Variants in RPS6KA2 observed in about 807,000 individuals in gnomAD.
RPS6KA2 encodes the protein ribosomal protein S6 kinase alpha-2.
In RPS6KA2, 42 loss-of-function variants were observed where a neutral mutation model predicts 91.8. The ratio of observed to expected loss-of-function variants is 0.46; its 90% confidence interval spans 0.36 to 0.59. The LOEUF (loss-of-function observed/expected upper bound fraction) is 0.59. RPS6KA2 is among the 20% of genes least tolerant of loss of function. RPS6KA2 has a pLI of 0.00. For missense variants in RPS6KA2, 798 were observed against 978.5 expected (o/e 0.82, Z 2.46); for synonymous variants, 414 against 393.6 (o/e 1.05, Z -0.61).
intron 1 of RPS6KA2, among the ~76,000 whole-genome samples, chr6:166,617,124 C>T (rs919728359): frequency 4.6e-5 from 7 of 152,182 alleles, no homozygotes; most frequent in African/African-American, 1.4e-4. Context: ...AGAAACTCAG[C>T]GTCAGGAGTC....
At position 166,554,857 on chromosome 6, in the gene RPS6KA2, C is replaced by T. The variant is rs906874169; in HGVS notation, c.100-16073G>A. Among the ~76,000 whole-genome samples, 3 of 152,184 alleles carry T rather than the reference C, an allele frequency of 2.0e-5. No homozygotes were observed. Among genetic ancestry groups the T allele is most frequent in the East Asian group, 1.9e-4 (1 of 5,196 alleles). On this transcript the variant is annotated intron_variant, in intron 1 of 20. Coordinates refer to ENST00000265678, the MANE Select transcript of RPS6KA2 (RefSeq NM_021135.6). This position sits in a 1 kb window ranked among gnomAD's most constrained non-coding sequence, Gnocchi z 4.3. ...AGTCAGAAATACAGAGATTGCCCAC[C>T]GCATGAAAAATGTCTCCAGTTTTAC... is the stretch of plus-strand genomic sequence containing the variant.
chr6:166,646,585 C>T (rs60767138), intron 2 of RPS6KA2, among the ~76,000 whole-genome samples: 355 of 152,376 alleles, frequency 2.3e-3, no homozygotes, highest in Middle Eastern at 6.8e-3. Context: ...GGGCCCCTGA[C>T]ACGCTCCTTC....
At chr6:166,502,841 C>T (rs78550284) in intron 6 of RPS6KA2, among the ~76,000 whole-genome samples, 3,959 of 152,210 alleles carry the variant, frequency 0.026, 158 homozygotes, top group African/African-American at 0.086. Context: ...ACAGCAGCTG[C>T]GGAGGCTGCT....
Position 166,635,903 on chromosome 6 carries a change from G to A in RPS6KA2, c.124-97119C>T, listed in dbSNP as rs550793472. Among the ~76,000 whole-genome samples, 2 of 152,280 alleles carry A rather than the reference G, an allele frequency of 1.3e-5. No homozygotes were observed. The highest frequency in any genetic ancestry group is 4.1e-4 in the South Asian group (2 of 4,830). On this transcript the variant is annotated intron_variant, in intron 2 of 21. Transcript: ENST00000503859. This position sits in a 1 kb window ranked among gnomAD's most constrained non-coding sequence, Gnocchi z 4.8. ...GTCTTCTGCGTCCACTCCAGGACAA[G>A]CCACCAACCCTACTCTAGACCAGGG...
At chr6:166,675,760 C>T (rs956773803) in intron 2 of RPS6KA2, among the ~76,000 whole-genome samples, 1 of 152,158 alleles carries the variant, frequency 6.6e-6, no homozygotes, top group Non-Finnish European at 1.5e-5. Flanking sequence ...TTTTAGCACT[C>T]CTATTTTAAA....
intron 1 of RPS6KA2, among the ~76,000 whole-genome samples, chr6:166,861,521 C>T (rs533262450): frequency 6.6e-6 from 1 of 152,374 alleles, no homozygotes; most frequent in South Asian, 2.1e-4. Flanking sequence ...GTGATTCCTG[C>T]ACACCCACCA....
Position 166,423,393 on chromosome 6 carries a change from T to G in RPS6KA2, c.1606A>C (p.Ser536Arg). The G allele has an allele frequency of 6.2e-7, 1 of 1,611,824 alleles. No homozygotes were observed. The highest frequency in any genetic ancestry group is 8.5e-7 in the Non-Finnish European group (1 of 1,178,134). ...GACTCATCCCTGTACAGGATGTTAC[T>G]CGGCTTCAGGTCTCGATGAACAACC... ...QGVVHRDLKP[S>R]NILYRDESGS... Residue 536 changes from serine to arginine, a missense_variant, in exon 17 of 21, where the codon AGT becomes CGT. Transcript: ENST00000265678. The surrounding 1 kb of genome is among the most constrained non-coding windows in gnomAD (Gnocchi z 4.8).
intron 2 of RPS6KA2, among the ~76,000 whole-genome samples, chr6:166,745,362 A>G (rs1361357783): frequency 1.3e-5 from 2 of 151,948 alleles, no homozygotes; most frequent in Non-Finnish European, 2.9e-5. Context: ...ATGTTGGTCA[A>G]GCTGGTCTCG....
At chr6:166,491,281 C>G (rs1781578784) in intron 8 of RPS6KA2, among the ~76,000 whole-genome samples, 2 of 152,288 alleles carry the variant, frequency 1.3e-5, no homozygotes, top group African/African-American at 4.8e-5. Flanking sequence ...GCTGCCGCAC[C>G]CTACATCCTT....
In RPS6KA2 at chr6:166,825,003, C is replaced by T. The variant is rs558791878; in HGVS notation, c.123+33197G>A. Reference sequence around the variant, plus strand: ...CGGGGTGCTAACTTGAAGCCATGAGCGGAGCACCCCAGGGAGCTGCCTTCC... The same window carrying T: ...CGGGGTGCTAACTTGAAGCCATGAGTGGAGCACCCCAGGGAGCTGCCTTCC... On this transcript the variant is annotated intron_variant, in intron 2 of 21. Transcript: ENST00000503859. This position sits in a 1 kb window ranked among gnomAD's most constrained non-coding sequence, Gnocchi z 4.1. Among the ~76,000 whole-genome samples the T allele has an allele frequency of 3.9e-5, 6 of 152,362 alleles. No homozygotes were observed. The highest frequency in any genetic ancestry group is 1.9e-4 in the East Asian group (1 of 5,194).
chr6:166,720,901 C>T (rs1790151849), intron 2 of RPS6KA2, among the ~76,000 whole-genome samples: 1 of 152,200 alleles, frequency 6.6e-6, no homozygotes, highest in South Asian at 2.1e-4. Context: ...CAGGGATGAG[C>T]TCCTGTGTTT....
chr6:166,813,408 G>A (rs1779688617), intron 2 of RPS6KA2, among the ~76,000 whole-genome samples: 1 of 152,182 alleles, frequency 6.6e-6, no homozygotes, highest in Non-Finnish European at 1.5e-5. Flanking sequence ...GAGATTAAAA[G>A]GAATTCATTC....
intron 2 of RPS6KA2, among the ~76,000 whole-genome samples, chr6:166,827,256 CAAAAAAAAAAAAAAAAAA>C (rs56296433): frequency 5.3e-5 from 5 of 94,498 alleles, no homozygotes; most frequent in African/African-American, 8.5e-5. Context: ...CAACCTTATA[CAAAAAAAAAAAAAAAAAA>C]AAAAAAAAAA....
intron 1 of RPS6KA2, among the ~76,000 whole-genome samples, chr6:166,598,866 G>A (rs1785632418): frequency 6.6e-6 from 1 of 152,192 alleles, no homozygotes; most frequent in South Asian, 2.1e-4. Context: ...CAGCTGATCA[G>A]GACTCAGCTC....
rs1781711911 is a variant in RPS6KA2 at position 166,494,497 on chromosome 6, G to C, written c.748-3756C>G. ...TAAGAAACGGGAGAAGGATAAAGTG[G>C]TCTCACGAAACCAGAGTGCTCAAGA... On this transcript the variant is annotated intron_variant, in intron 8 of 20. Coordinates refer to ENST00000265678, the MANE Select transcript of RPS6KA2 (RefSeq NM_021135.6). The surrounding 1 kb of genome is among the most constrained non-coding windows in gnomAD (Gnocchi z 5.1). Among the ~76,000 whole-genome samples the C allele has an allele frequency of 6.6e-6, 1 of 152,226 alleles. No homozygotes were observed. The highest frequency in any genetic ancestry group is 6.5e-5 in the Admixed American group (1 of 15,278).
intron 2 of RPS6KA2, among the ~76,000 whole-genome samples, chr6:166,794,622 T>C (rs1227090958): frequency 2.0e-5 from 3 of 149,900 alleles, no homozygotes; most frequent in East Asian, 2.0e-4. Flanking sequence ...CCAACAACGA[T>C]AGACTGGATT....
rs1231595635 is a variant in RPS6KA2 at position 166,825,249 on chromosome 6, C to T, written c.123+32951G>A. Among the ~76,000 whole-genome samples the T allele has an allele frequency of 2.0e-5, 3 of 152,152 alleles. No individual in the cohort carries two copies. Among genetic ancestry groups the T allele is most frequent in the Admixed American group, 6.5e-5 (1 of 15,284 alleles). On this transcript the variant is annotated intron_variant, in intron 2 of 21. Coordinates refer to the RPS6KA2 transcript ENST00000503859. The surrounding 1 kb of genome is among the most constrained non-coding windows in gnomAD (Gnocchi z 4.1). ...CAAAGGGGAGTGATCCCATGAGTCC[C>T]GAGAATAAAAGGCAGGGCTGATGGT...
intron 2 of RPS6KA2, chr6:166,757,964 C>A: frequency 5.4e-6 from 1 of 184,282 alleles, no homozygotes; most frequent in Non-Finnish European, 1.1e-5. Context: ...CTGGCAGAAG[C>A]CGGCAAAGCA....
At chr6:166,575,362 G>A (rs1784809829) in intron 1 of RPS6KA2, among the ~76,000 whole-genome samples, 1 of 152,148 alleles carries the variant, frequency 6.6e-6, no homozygotes, top group African/African-American at 2.4e-5. Flanking sequence ...GGCTTTTGCT[G>A]GAGTCCAGAC....
Sources: gnomAD v4.1 joint callset for allele counts (sites outside exome capture counted in the v4.1 genomes callset) on GRCh38, gnomAD v4.1.1 for gene constraint, Gnocchi (gnomAD v3.1) non-coding constraint, MANE v1.5 for transcripts, NCBI Gene and HGNC (gene_info 2026-07-23, HGNC 2026-07-21) for gene names.